CTNNBL1: variants seen among roughly 807,000 people sequenced by gnomAD.
CTNNBL1 encodes the protein beta-catenin-like protein 1.
Under a neutral mutation model 72.7 loss-of-function variants are expected in CTNNBL1, and 31 were observed. The ratio of observed to expected loss-of-function variants is 0.43; its 90% CI spans 0.32 to 0.58. The LOEUF is 0.58. Ranked by LOEUF, CTNNBL1 falls within the 20% of genes least tolerant of loss-of-function variation. The probability of loss-of-function intolerance (pLI) is 0.08; values close to 1 mark genes in which losing one functional copy is unlikely to be tolerated. For missense variants in CTNNBL1, 534 were observed against 725.1 expected (o/e 0.74, Z 3.03); for synonymous variants, 240 against 267.3 (o/e 0.90, Z 1.00).
At chr20:37,762,259 C>A (rs1417570271) in intron 5 of CTNNBL1, among the ~76,000 whole-genome samples, 2 of 152,106 alleles carry the variant, frequency 1.3e-5, no homozygotes, top group Non-Finnish European at 2.9e-5. Flanking sequence ...ATTGTTATTA[C>A]TGTGTTTTAA....
At chr20:37,741,333 GACTGTTATA>G (rs2073214256) in intron 3 of CTNNBL1, among the ~76,000 whole-genome samples, 1 of 152,174 alleles carries the variant, frequency 6.6e-6, no homozygotes, top group Non-Finnish European at 1.5e-5. Context: ...AACAGAAGAC[GACTGTTATA>G]ACAAACTTGA....
intron 7 of CTNNBL1, among the ~76,000 whole-genome samples, chr20:37,775,021 C>G (rs568527482): frequency 2.6e-5 from 4 of 152,186 alleles, no homozygotes; most frequent in African/African-American, 9.6e-5. Context: ...TTCCCATTGT[C>G]AGCTTACAGC....
intron 1 of CTNNBL1, among the ~76,000 whole-genome samples, chr20:37,730,000 G>T (rs1381585096): frequency 2.0e-5 from 3 of 152,184 alleles, no homozygotes; most frequent in Non-Finnish European, 4.4e-5. Context: ...GTGAAAAATA[G>T]CAGGTGGTAC....
chr20:37,716,407 A>G (rs574950049), intron 1 of CTNNBL1, among the ~76,000 whole-genome samples: 2 of 152,186 alleles, frequency 1.3e-5, no homozygotes, highest in African/African-American at 4.8e-5. Context: ...GATCATCCAC[A>G]TGGCCAGGAG....
intron 13 of CTNNBL1, among the ~76,000 whole-genome samples, chr20:37,849,676 G>A (rs1235150385): frequency 6.6e-6 from 1 of 152,222 alleles, no homozygotes; most frequent in African/African-American, 2.4e-5. Context: ...AGTTTCTGCA[G>A]AAAATCTTCC....
At chr20:37,863,467 C>T (rs933786801) in intron 15 of CTNNBL1, among the ~76,000 whole-genome samples, 2 of 152,138 alleles carry the variant, frequency 1.3e-5, no homozygotes, top group Non-Finnish European at 2.9e-5. Flanking sequence ...GGGAGTGGCA[C>T]GGAGGCAGTT....
intron 7 of CTNNBL1, among the ~76,000 whole-genome samples, chr20:37,771,679 C>T (rs1052034629): frequency 1.3e-5 from 2 of 152,026 alleles, no homozygotes; most frequent in Non-Finnish European, 2.9e-5. Flanking sequence ...TGGCTCCTCT[C>T]TTCCATTCGT....
At chr20:37,838,762 C>T (rs1231368494) in intron 11 of CTNNBL1, among the ~76,000 whole-genome samples, 3 of 152,172 alleles carry the variant, frequency 2.0e-5, no homozygotes, top group African/African-American at 7.2e-5. Flanking sequence ...TGTTGTGCAC[C>T]TGTAATCCCA....
intron 11 of CTNNBL1, among the ~76,000 whole-genome samples, chr20:37,815,315 C>CTTT (rs778453405): frequency 7.2e-6 from 1 of 139,022 alleles, no homozygotes; most frequent in Admixed American, 7.2e-5. Context: ...TTGGCTCCTC[C>CTTT]TTTTTTTTTT....
At chr20:37,805,141 C>T (rs1333962729) in intron 11 of CTNNBL1, among the ~76,000 whole-genome samples, 1 of 152,264 alleles carries the variant, frequency 6.6e-6, no homozygotes, top group Non-Finnish European at 1.5e-5. Context: ...TGCAGGGTTT[C>T]TTTGTCCTGT....
chr20:37,745,733 A>G (rs6067491), intron 3 of CTNNBL1, among the ~76,000 whole-genome samples: 49,827 of 152,028 alleles, frequency 0.33, 8,277 homozygotes, highest in African/African-American at 0.35. Context: ...GCTCATTTCC[A>G]TCTCAGAACA....
intron 11 of CTNNBL1, among the ~76,000 whole-genome samples, chr20:37,806,210 A>C (rs2071958771): frequency 6.6e-6 from 1 of 152,320 alleles, no homozygotes; most frequent in Middle Eastern, 3.4e-3. Context: ...CCTATAGGCA[A>C]GGCCACCCTG....
intron 10 of CTNNBL1, among the ~76,000 whole-genome samples, chr20:37,790,507 T>C (rs1318673239): frequency 6.6e-6 from 1 of 152,230 alleles, no homozygotes; most frequent in Non-Finnish European, 1.5e-5. Flanking sequence ...ACAAGGAGCA[T>C]TCTCTTTCCT....
At chr20:37,740,686 A>G (rs1192614022) in intron 3 of CTNNBL1, among the ~76,000 whole-genome samples, 1 of 152,248 alleles carries the variant, frequency 6.6e-6, no homozygotes, top group African/African-American at 2.4e-5. Context: ...TCTGGCAAAT[A>G]CAAGAATAGA....
chr20:37,732,644 C>T (rs2073139028), intron 1 of CTNNBL1, among the ~76,000 whole-genome samples: 1 of 152,228 alleles, frequency 6.6e-6, no homozygotes, highest in Non-Finnish European at 1.5e-5. Flanking sequence ...GCTTTTGAGT[C>T]AGAGAATTCT....
Position 37,860,009 on chromosome 20 carries a change from C to G in CTNNBL1, c.1503C>G (p.Ala501=), listed in dbSNP as rs200548374. 58 of 1,614,192 alleles carry G rather than the reference C, an allele frequency of 3.6e-5. No individual in the cohort carries two copies. The South Asian group carries it at 5.1e-4, about 14-fold the overall frequency. ...TCCAGCACATCTGCTACATCATGGC[C>G]GAGATCTGCAATGCCAATGTCCCCC... ...FVLQHICYIM[A]EICNANVPQI... The change falls in exon 14 of 16, where the codon GCC becomes GCG. Residue 501 remains alanine (A), a synonymous_variant. Coordinates refer to ENST00000361383, the MANE Select transcript of CTNNBL1 (RefSeq NM_030877.5).
At position 37,774,784 on chromosome 20, in the gene CTNNBL1, A is replaced by G. The variant is rs73290862; in HGVS notation, c.751-2561A>G. 9.3e-3 allele frequency among the ~76,000 whole-genome samples: 1,419 copies of G among 152,298 alleles called. 19 individuals are homozygous for G. The highest frequency in any genetic ancestry group is 0.027 in the African/African-American group (1,123 of 41,558). On this transcript the variant is annotated intron_variant, in intron 7 of 15. Transcript: ENST00000361383. ...TGTTAGAGCTCAGATTCTAATGCAG[A>G]TATTTCTGGTTATGGTTGTCAGAAA...
At chr20:37,777,515 T>C in intron 8 of CTNNBL1, 98 bp downstream of exon 8, 2 of 1,409,938 alleles carry the variant, frequency 1.4e-6, no homozygotes, top group African/African-American at 1.4e-5. Flanking sequence ...ATCCCCTTGC[T>C]CTCCCTCTCA....
rs1254607729 is a variant in CTNNBL1, at chr20:37,842,404, T to C, written c.1377T>C (p.Ile459=). 1 of 1,613,308 alleles carries C rather than the reference T, an allele frequency of 6.2e-7. No individual in the cohort carries two copies. The highest frequency in any genetic ancestry group is 8.5e-7 in the Non-Finnish European group (1 of 1,179,366). ...CAATGCAGGTGGCGGACAAGAAGATTGAAGGGGAAAAACACGTATGTATCC... is the reference window on the plus strand; with the variant it reads ...CAATGCAGGTGGCGGACAAGAAGATCGAAGGGGAAAAACACGTATGTATCC... ...LGAMQVADKK[I]EGEKHDMVRR... Residue 459 remains isoleucine, a synonymous_variant, in exon 13 of 16, where the codon ATT becomes ATC. Coordinates refer to ENST00000361383, the MANE Select transcript of CTNNBL1 (RefSeq NM_030877.5).
Sources: gnomAD v4.1 joint callset for allele counts (sites outside exome capture counted in the v4.1 genomes callset) on GRCh38, gnomAD v4.1.1 for gene constraint, MANE v1.5 for transcripts, NCBI Gene and HGNC (gene_info 2026-07-23, HGNC 2026-07-21) for gene names.